PTGER3: variants seen among roughly 807,000 people sequenced by gnomAD.
PTGER3 encodes the protein prostaglandin E receptor 3.
A neutral mutation model predicts 34.7 loss-of-function variants in PTGER3; 22 were observed. The ratio of observed to expected loss-of-function variants is 0.63; its 90% CI spans 0.45 to 0.91. The LOEUF (loss-of-function observed/expected upper bound fraction) is 0.91, where lower values mean the gene tolerates loss of function less well. PTGER3 is among the 40% of genes least tolerant of loss of function. PTGER3 has a pLI of 0.00. For synonymous variants in PTGER3, 241 were observed against 230.1 expected, an observed-to-expected ratio of 1.05 and a Z score of -0.43; for missense variants, 468 against 519.4, an observed-to-expected ratio of 0.90 and a Z score of 0.96.
intron 2 of PTGER3, among the ~76,000 whole-genome samples, chr1:71,000,912 G>C (rs1030236426): frequency 6.6e-6 from 1 of 152,126 alleles, no homozygotes; most frequent in African/African-American, 2.4e-5. Context: ...AACTATAATG[G>C]GAGAATGGGT....
chr1:70,984,503 C>G (rs1371573889), intron 2 of PTGER3, among the ~76,000 whole-genome samples: 1 of 151,918 alleles, frequency 6.6e-6, no homozygotes, highest in Non-Finnish European at 1.5e-5. Context: ...TCACTTGAGG[C>G]CAGGAATTTG....
downstream of PTGER3, among the ~76,000 whole-genome samples, chr1:70,966,827 ATTT>A (rs34452178): frequency 0.02 from 3,052 of 151,954 alleles, 103 homozygotes; most frequent in African/African-American, 0.069. Context: ...TATGAACCAC[ATTT>A]TCTTTATCCA....
At chr1:70,869,639 GA>G (rs1646120987) in intron 4 of PTGER3, among the ~76,000 whole-genome samples, 1 of 152,156 alleles carries the variant, frequency 6.6e-6, no homozygotes, top group Non-Finnish European at 1.5e-5. Flanking sequence ...TCCAAAGGGG[GA>G]AAATTGGCCA....
chr1:70,858,121 T>G (rs771790942), intron 4 of PTGER3, among the ~76,000 whole-genome samples: 1 of 152,036 alleles, frequency 6.6e-6, no homozygotes. Flanking sequence ...TTAATCTCTA[T>G]AGTTCACATC....
At chr1:70,964,211 G>A (rs1652268797) in intron 2 of PTGER3, among the ~76,000 whole-genome samples, 2 of 152,074 alleles carry the variant, frequency 1.3e-5, no homozygotes, top group Non-Finnish European at 2.9e-5. Flanking sequence ...CAATTCTCTA[G>A]GAAGTTCCAA....
At chr1:70,958,799 T>A (rs1489019112) in intron 2 of PTGER3, among the ~76,000 whole-genome samples, 1 of 152,206 alleles carries the variant, frequency 6.6e-6, no homozygotes, top group Non-Finnish European at 1.5e-5. Flanking sequence ...TGTAGTAGTT[T>A]CATAGTTTGG....
intron 4 of PTGER3, chr1:70,869,124 G>A (rs111861778): frequency 4.5e-5 from 16 of 353,256 alleles, no homozygotes; most frequent in East Asian, 4.0e-4. Flanking sequence ...TACTCATAAC[G>A]GAAGGCAAAA....
intron 2 of PTGER3, among the ~76,000 whole-genome samples, chr1:70,961,196 C>T (rs1651898517): frequency 1.3e-5 from 2 of 152,202 alleles, no homozygotes; most frequent in Non-Finnish European, 2.9e-5. Flanking sequence ...CTTTCTGACT[C>T]AACCTCCAGG....
chr1:70,954,959 C>T (rs557056258), intron 2 of PTGER3, among the ~76,000 whole-genome samples: 47 of 152,130 alleles, frequency 3.1e-4, no homozygotes, highest in African/African-American at 1.1e-3. Context: ...TAATCTCTAC[C>T]TATATGAAAA....
intron 2 of PTGER3, chr1:71,007,833 T>G: frequency 1.0e-6 from 1 of 984,978 alleles, no homozygotes; most frequent in Non-Finnish European, 1.2e-6. Context: ...TCTAAAGCAT[T>G]TAACAATAGC....
chr1:70,884,060 C>A (rs938425087), intron 4 of PTGER3: 7 of 404,326 alleles, frequency 1.7e-5, no homozygotes, highest in Non-Finnish European at 3.4e-5. Flanking sequence ...GCACTCCAGT[C>A]TGGGTGAGAG....
chr1:70,893,126 A>G (rs1282455997), intron 4 of PTGER3, among the ~76,000 whole-genome samples: 2 of 152,154 alleles, frequency 1.3e-5, no homozygotes, highest in Non-Finnish European at 2.9e-5. Context: ...CATTCTCCTC[A>G]TGCAATATGC....
chr1:70,889,881 T>G (rs1572562187), intron 4 of PTGER3, among the ~76,000 whole-genome samples: 1 of 152,036 alleles, frequency 6.6e-6, no homozygotes, highest in East Asian at 1.9e-4. Flanking sequence ...TTTTTTTTTT[T>G]GCTGTTAGGA....
intron 4 of PTGER3, among the ~76,000 whole-genome samples, chr1:70,863,692 ATT>A (rs11378106): frequency 6.7e-6 from 1 of 148,570 alleles, no homozygotes; most frequent in East Asian, 2.0e-4. Context: ...TAGCAAATGG[ATT>A]TTTTTTTTTT....
intron 4 of PTGER3, among the ~76,000 whole-genome samples, chr1:70,892,566 G>A (rs1419686946): frequency 2.0e-5 from 3 of 151,992 alleles, no homozygotes; most frequent in African/African-American, 7.2e-5. Flanking sequence ...AACCTCCTTA[G>A]GAGGTGGCTC....
chr1:70,974,669 T>C (rs1653508724), intron 2 of PTGER3, among the ~76,000 whole-genome samples: 1 of 152,090 alleles, frequency 6.6e-6, no homozygotes, highest in African/African-American at 2.4e-5. Context: ...CTCATTGACC[T>C]CAAGTGATTG....
chr1:71,020,257 T>A (rs1480073409), intron 1 of PTGER3, among the ~76,000 whole-genome samples: 1 of 132,876 alleles, frequency 7.5e-6, no homozygotes, highest in Non-Finnish European at 1.8e-5. Context: ...AAACAGCTCA[T>A]AAACATTAAA....
downstream of PTGER3, among the ~76,000 whole-genome samples, chr1:70,966,076 G>A (rs185732825): frequency 1.8e-4 from 28 of 152,264 alleles, no homozygotes; most frequent in East Asian, 4.0e-3. Flanking sequence ...TAAGGCTCTG[G>A]TGTACTTATT....
rs17131475 is a variant in PTGER3, at chr1:70,875,288, G to C, written c.*24-22429C>G. On this transcript the variant is annotated intron_variant, in intron 4 of 4. Coordinates refer to the PTGER3 transcript ENST00000370931. ...CCTCCCTGGGGTTTGACAGGTTACT[G>C]TCCTGCTGTTGACATTAAAATTAAT... Among the ~76,000 whole-genome samples the C allele has an allele frequency of 7.8e-3, 1,190 of 152,262 alleles. 14 individuals are homozygous for C. The highest frequency in any genetic ancestry group is 0.028 in the African/African-American group (1,147 of 41,536).
Sources: gnomAD v4.1 joint callset for allele counts (sites outside exome capture counted in the v4.1 genomes callset) on GRCh38, gnomAD v4.1.1 for gene constraint, MANE v1.5 for transcripts, NCBI Gene and HGNC (gene_info 2026-07-23, HGNC 2026-07-21) for gene names.